The following ZFPM2 variants were observed in gnomAD, a reference collection of about 807,000 sequenced individuals.
The protein encoded by ZFPM2 is zinc finger protein, FOG family member 2.
A neutral mutation model predicts 98.6 loss-of-function variants in ZFPM2; 20 were observed. That is an observed-to-expected ratio of 0.20 (90% CI 0.14 to 0.29). ZFPM2 has a LOEUF of 0.29. Ranked by LOEUF, ZFPM2 falls within the 10% of genes least tolerant of loss-of-function variation. The pLI is 1.00. For synonymous variants in ZFPM2, 518 were observed against 502.7 expected, an observed-to-expected ratio of 1.03 and a Z score of -0.41; for missense variants, 1,310 against 1,388.6, an observed-to-expected ratio of 0.94 and a Z score of 0.90.
intron 4 of ZFPM2, among the ~76,000 whole-genome samples, chr8:105,613,805 C>T (rs1816358371): frequency 6.6e-6 from 1 of 152,020 alleles, no homozygotes; most frequent in African/African-American, 2.4e-5. Context: ...ATTAGGGTTC[C>T]AGAATATCAA....
Position 105,792,722 on chromosome 8 carries a change from G to A in ZFPM2, c.739+3798G>A, listed in dbSNP as rs1425375954. Among the ~76,000 whole-genome samples the A allele has an allele frequency of 2.0e-5, 3 of 152,302 alleles. No individual in the cohort carries two copies. In the East Asian group the frequency reaches 5.8e-4, roughly 29 times the overall value. ...CCATTATTAACGTGTGGGAGTCTAA[G>A]TCTCTTTGTAGGTCACTCACGACTT... On this transcript the variant is annotated intron_variant, in intron 6 of 7. Transcript: ENST00000407775.
At chr8:105,514,151 C>T (rs1205499401) in intron 3 of ZFPM2, among the ~76,000 whole-genome samples, 1 of 151,850 alleles carries the variant, frequency 6.6e-6, no homozygotes, top group Non-Finnish European at 1.5e-5. Context: ...TACAGGTCCC[C>T]ACCATCACAC....
At chr8:105,535,862 CT>C (rs1352467139) in intron 3 of ZFPM2, among the ~76,000 whole-genome samples, 2 of 152,112 alleles carry the variant, frequency 1.3e-5, no homozygotes, top group Non-Finnish European at 2.9e-5. Context: ...ACTTTTAACC[CT>C]TTGTGACTGT....
intron 1 of ZFPM2, among the ~76,000 whole-genome samples, chr8:105,382,675 T>C (rs1487597393): frequency 6.6e-6 from 1 of 152,118 alleles, no homozygotes; most frequent in Non-Finnish European, 1.5e-5. Context: ...GGGAATGGCT[T>C]AAAATATTTG....
At chr8:105,373,422 T>G (rs1182958252) in intron 1 of ZFPM2, among the ~76,000 whole-genome samples, 2 of 152,106 alleles carry the variant, frequency 1.3e-5, no homozygotes, top group Admixed American at 6.5e-5. Flanking sequence ...ATTTAAGGAG[T>G]AAGATCGTTT....
At chr8:105,574,751 C>T (rs1333334308) in intron 4 of ZFPM2, among the ~76,000 whole-genome samples, 1 of 150,802 alleles carries the variant, frequency 6.6e-6, no homozygotes, top group African/African-American at 2.4e-5. Flanking sequence ...ACCCCGCAGA[C>T]AGGAGCAGTA....
At chr8:105,710,092 CTT>C (rs367622436) in intron 5 of ZFPM2, among the ~76,000 whole-genome samples, 4 of 143,054 alleles carry the variant, frequency 2.8e-5, no homozygotes, top group Admixed American at 1.4e-4. Flanking sequence ...TAGTCTGATC[CTT>C]TTTTTTTTTT....
chr8:105,436,493 C>T (rs1019763163), intron 2 of ZFPM2, among the ~76,000 whole-genome samples: 4 of 112,966 alleles, frequency 3.5e-5, no homozygotes, highest in Admixed American at 9.9e-5. Context: ...GCCTGGGCAA[C>T]AAGAGCAAAA....
intron 3 of ZFPM2, among the ~76,000 whole-genome samples, chr8:105,504,706 C>T (rs770468331): frequency 3.3e-5 from 5 of 151,568 alleles, no homozygotes; most frequent in Middle Eastern, 3.2e-3. Context: ...ACTTGTATTT[C>T]GCAACCATGT....
At position 105,725,261 on chromosome 8, in the gene ZFPM2, A is replaced by T. The variant is rs1434736516; in HGVS notation, c.533-63457A>T. ...AACCTGGCATTTCCTTATGGCTTTTACCCACAGTCTGACACTTCCATGTCA... is the reference window on the plus strand; with the variant it reads ...AACCTGGCATTTCCTTATGGCTTTTTCCCACAGTCTGACACTTCCATGTCA... On this transcript the variant is annotated intron_variant, in intron 5 of 7. Coordinates refer to ENST00000407775, the MANE Select transcript of ZFPM2 (RefSeq NM_012082.4). Among the ~76,000 whole-genome samples, 4 of 151,768 alleles carry T rather than the reference A, an allele frequency of 2.6e-5. No individual in the cohort carries two copies. The East Asian group carries it at 5.9e-4, about 22-fold the overall frequency.
At chr8:105,421,867 C>T (rs1246597717) in intron 2 of ZFPM2, among the ~76,000 whole-genome samples, 4 of 149,824 alleles carry the variant, frequency 2.7e-5, no homozygotes, top group Non-Finnish European at 5.9e-5. Flanking sequence ...GCCAACACGG[C>T]GAAACCCTGT....
At chr8:105,539,731 G>A (rs1411412120) in intron 3 of ZFPM2, among the ~76,000 whole-genome samples, 1 of 152,090 alleles carries the variant, frequency 6.6e-6, no homozygotes, top group Non-Finnish European at 1.5e-5. Flanking sequence ...TAGTCACTGG[G>A]CCCTAAACAG....
At chr8:105,511,408 CTGT>C (rs1296813379) in intron 3 of ZFPM2, among the ~76,000 whole-genome samples, 1 of 152,202 alleles carries the variant, frequency 6.6e-6, no homozygotes, top group Non-Finnish European at 1.5e-5. Context: ...AAAACAATTC[CTGT>C]TGTTGTAGTT....
intron 5 of ZFPM2, among the ~76,000 whole-genome samples, chr8:105,671,692 A>G (rs547701415): frequency 1.8e-4 from 27 of 152,160 alleles, no homozygotes; most frequent in Non-Finnish European, 3.5e-4. Context: ...TAATCACTGT[A>G]TATCTTTAAT....
intron 1 of ZFPM2, among the ~76,000 whole-genome samples, chr8:105,416,276 A>G (rs1790477678): frequency 6.6e-6 from 1 of 151,488 alleles, no homozygotes; most frequent in African/African-American, 2.4e-5. Context: ...TTTTTAATAC[A>G]ATGATTAAAT....
intron 5 of ZFPM2, among the ~76,000 whole-genome samples, chr8:105,634,862 C>T (rs1255731345): frequency 6.6e-6 from 1 of 152,160 alleles, no homozygotes; most frequent in African/African-American, 2.4e-5. Flanking sequence ...TTCTGAAGGG[C>T]AGGAGGCAAA....
At chr8:105,789,691 A>G (rs1259131682) in intron 6 of ZFPM2, among the ~76,000 whole-genome samples, 1 of 152,192 alleles carries the variant, frequency 6.6e-6, no homozygotes, top group East Asian at 1.9e-4. Flanking sequence ...ACTAGTTTAC[A>G]GTCCCCCCAA....
chr8:105,754,343 A>G (rs1812546630), intron 5 of ZFPM2, among the ~76,000 whole-genome samples: 1 of 152,190 alleles, frequency 6.6e-6, no homozygotes, highest in Non-Finnish European at 1.5e-5. Flanking sequence ...CTAGTTTTAC[A>G]AAGAATTTTT....
At chr8:105,573,983 G>A (rs1433257903) in intron 4 of ZFPM2, among the ~76,000 whole-genome samples, 1 of 152,092 alleles carries the variant, frequency 6.6e-6, no homozygotes, top group East Asian at 1.9e-4. Context: ...AAAATTATAC[G>A]CATTTAGTCA....
Sources: allele counts gnomAD v4.1 joint callset (sites outside exome capture counted in the v4.1 genomes callset), GRCh38; gene constraint gnomAD v4.1.1; transcripts MANE v1.5; gene names NCBI Gene and HGNC (gene_info 2026-07-23, HGNC 2026-07-21).